The following FN1 variants were observed in gnomAD, a reference collection of about 807,000 sequenced individuals.
FN1 encodes fibronectin.
Under a neutral mutation model 297.3 loss-of-function variants are expected in FN1, and 106 were observed. That is an observed-to-expected ratio of 0.36 (90% CI 0.30 to 0.42). FN1 has a LOEUF of 0.42. Ranked by LOEUF, FN1 falls within the 10% of genes least tolerant of loss-of-function variation. FN1 has a pLI of 1.00. For synonymous variants in FN1, 1,149 were observed against 1,152.6 expected (o/e 1.00, Z 0.06); for missense variants, 2,690 against 3,124.9 (o/e 0.86, Z 3.32).
At chr2:215,407,594 T>G (rs1202811013) in intron 17 of FN1, among the ~76,000 whole-genome samples, 1 of 152,188 alleles carries the variant, frequency 6.6e-6, no homozygotes, top group Non-Finnish European at 1.5e-5. Context: ...AGAGATGCCA[T>G]TAGGTGAAAA....
Position 215,394,633 on chromosome 2 carries a change from A to T in FN1, c.3691T>A (p.Ser1231Thr), listed in dbSNP as rs759163566. 6.2e-7 allele frequency: 1 copy of T among 1,614,008 alleles called. No homozygotes were observed. The highest frequency in any genetic ancestry group is 1.3e-5 in the African/African-American group (1 of 74,924). The change falls in exon 24 of 46, where the codon TCC becomes ACC. Residue 1231 changes from serine (S) to threonine (T), a missense_variant. By Grantham distance (58) the Ser-to-Thr change is moderately conservative (BLOSUM62 1). Transcript: ENST00000354785. ...LEEVVHADQSSCTFDNLSPGL... is the reference protein window; with the variant it reads ...LEEVVHADQSTCTFDNLSPGL... ...GGACTCAGGTTATCAAAAGTGCAGG[A>T]GCTCTGATCAGCATGGACCACTTCT...
chr2:215,372,299 A>T lies in FN1; in HGVS notation c.6324T>A (p.Val2108=). 6.2e-7 allele frequency: 1 copy of T among 1,614,194 alleles called. No individual in the cohort carries two copies. The highest frequency in any genetic ancestry group is 8.5e-7 in the Non-Finnish European group (1 of 1,180,040). Residue 2108 remains valine (V), a synonymous_variant, in exon 40 of 46, where the codon GTT becomes GTA. Coordinates refer to ENST00000354785, the MANE Select transcript of FN1 (RefSeq NM_212482.4). ...GGTGGGTGACGAAAGGGGTCTTTTG[A>T]ACTGTGGAAGGAACATCCAAGATCT... ...GPEILDVPST[V]QKTPFVTHPG...
rs1429257733 is a variant in FN1, at chr2:215,408,349, T to C, written c.2377A>G (p.Ile793Val). 1.2e-6 allele frequency: 2 copies of C among 1,614,128 alleles called. No homozygotes were observed. Among genetic ancestry groups the C allele is most frequent in the Admixed American group, 1.7e-5 (1 of 60,028 alleles). Residue 793 changes from isoleucine (I) to valine (V), a missense_variant, in exon 16 of 46, where the codon ATA becomes GTA. By Grantham distance (29) the Ile-to-Val change is conservative. This residue lies in a region of FN1 where 876 missense variants were observed against 1,058.1 expected (regional missense o/e 0.83). Coordinates refer to ENST00000354785, the MANE Select transcript of FN1 (RefSeq NM_212482.4). ...GRKYIVNVYQ[I>V]SEDGEQSLIL... Reference sequence around the variant, plus strand: ...AAACTCTGCTCCCCATCCTCAGATATCTGATAGACATTTACAATGTATTTT... The same window carrying C: ...AAACTCTGCTCCCCATCCTCAGATACCTGATAGACATTTACAATGTATTTT...
Position 215,393,162 on chromosome 2 carries a change from C to A in FN1, c.3838G>T (p.Asp1280Tyr), listed in dbSNP as rs764149816. The change falls in exon 25 of 46, where the codon GAT (aspartate) becomes TAT (tyrosine). Residue 1280 changes from aspartate to tyrosine, a missense_variant. Around this residue, in one of 3 missense-constraint regions of FN1, gnomAD observed 1,743 missense variants for 1,945.2 expected, o/e 0.90. Coordinates refer to ENST00000354785, the MANE Select transcript of FN1 (RefSeq NM_212482.4). ...GTCCACCTCAGGCCGATGCTTGAAT[C>A]GGTTATATCAACAAAGCTTAGGTCA... ...LTDLSFVDITDSSIGLRWTPL... is the reference protein window; with the variant it reads ...LTDLSFVDITYSSIGLRWTPL... 2 of 1,613,786 alleles carry A rather than the reference C, an allele frequency of 1.2e-6. No homozygotes were observed. Among genetic ancestry groups the A allele is most frequent in the South Asian group, 1.1e-5 (1 of 91,062 alleles).
chr2:215,420,514 G>A (rs1429753166), intron 11 of FN1, among the ~76,000 whole-genome samples, 159 bp downstream of exon 11: 1 of 152,084 alleles, frequency 6.6e-6, no homozygotes, highest in African/African-American at 2.4e-5. Flanking sequence ...GAGATATTTT[G>A]GTCCAGTATT....
Position 215,364,938 on chromosome 2 carries a change from G to C in FN1, c.7192C>G (p.Gln2398Glu). Reference sequence around the variant, plus strand: ...GCACCGAGATATTCCTTCTGCCACTGTTCTCCTACGTGGTATGTCTTCCCA... The same window carrying C: ...GCACCGAGATATTCCTTCTGCCACTCTTCTCCTACGTGGTATGTCTTCCCA... ...DDGKTYHVGEQWQKEYLGAIC... is the reference protein window; with the variant it reads ...DDGKTYHVGEEWQKEYLGAIC... Residue 2398 changes from glutamine (Q) to glutamate (E), a missense_variant, in exon 44 of 46, where the codon CAG (glutamine) becomes GAG (glutamate). This residue lies in a region of FN1 where 1,743 missense variants were observed against 1,945.2 expected (regional missense o/e 0.90). Transcript: ENST00000354785. The C allele has an allele frequency of 2.5e-6, 4 of 1,579,632 alleles. No individual in the cohort carries two copies. In the South Asian group the frequency reaches 4.6e-5, roughly 18 times the overall value.
At chr2:215,397,323 C>A in intron 22 of FN1, 100 bp from the exon 23 acceptor site, 1 of 780,124 alleles carries the variant, frequency 1.3e-6, no homozygotes, top group Non-Finnish European at 2.3e-6. Context: ...ATGCTTCTTC[C>A]CTCCCTCCCT....
intron 12 of FN1, among the ~76,000 whole-genome samples, chr2:215,415,626 A>C (rs2063327708): frequency 6.6e-6 from 1 of 152,168 alleles, no homozygotes. Flanking sequence ...TTAAGTGATT[A>C]AATTTATTTT....
At chr2:215,380,329 C>A in intron 33 of FN1, 1 of 175,876 alleles carries the variant, frequency 5.7e-6, no homozygotes. Context: ...TTGATTATTT[C>A]CTAGGTGTCT....
chr2:215,406,149 C>A, intron 19 of FN1, 89 bp downstream of exon 19: 1 of 1,318,196 alleles, frequency 7.6e-7, no homozygotes, highest in East Asian at 2.3e-5. Context: ...AGCCATACAC[C>A]TCTGAGTGAA....
At chr2:215,430,995 C>T in intron 4 of FN1, 143 bp from the exon 5 acceptor site, 2 of 819,294 alleles carry the variant, frequency 2.4e-6, no homozygotes, top group Non-Finnish European at 4.1e-6. Context: ...AATGACACAC[C>T]CAGCATCTAA....
chr2:215,405,471 C>T (rs1248881833), intron 19 of FN1, among the ~76,000 whole-genome samples: 6 of 152,086 alleles, frequency 3.9e-5, no homozygotes, highest in African/African-American at 7.2e-5. Context: ...CGGCTGGGCA[C>T]GATGGCTCAC....
Position 215,404,560 on chromosome 2 carries a change from G to C in FN1, c.3082C>G (p.Arg1028Gly), listed in dbSNP as rs780372579. Reference protein sequence around the residue: ...TPPRAQITGYRLTVGLTRRGQ... With the variant: ...TPPRAQITGYGLTVGLTRRGQ... The stretch of plus-strand genomic sequence containing the variant: ...CTTCGGGTAAGGCCCACGGTCAGTC[G>C]GTATCCTGTTATCTGGGCCCGAGGT... Residue 1028 changes from arginine (R) to glycine (G), a missense_variant, in exon 20 of 46, where the codon CGA becomes GGA. Arg to Gly is a moderately radical substitution (Grantham distance 125, BLOSUM62 -2). This residue lies in a region of FN1 where 1,743 missense variants were observed against 1,945.2 expected (regional missense o/e 0.90). Coordinates refer to ENST00000354785, the MANE Select transcript of FN1 (RefSeq NM_212482.4). The C allele has an allele frequency of 1.9e-6, 3 of 1,613,988 alleles. No homozygotes were observed. The East Asian group carries it at 6.7e-5, about 36-fold the overall frequency.
At chr2:215,372,594 A>G (rs982295590) in intron 39 of FN1, 2 of 591,914 alleles carry the variant, frequency 3.4e-6, no homozygotes, top group Non-Finnish European at 6.0e-6. Context: ...AAAAAGTGTT[A>G]GTATGAATTT....
At chr2:215,382,858 G>C (rs1393794406) in intron 31 of FN1, among the ~76,000 whole-genome samples, 1 of 152,066 alleles carries the variant, frequency 6.6e-6, no homozygotes, top group Non-Finnish European at 1.5e-5. Flanking sequence ...TAATGATCTT[G>C]AGCCCTGAAC....
intron 40 of FN1, 108 bp from the exon 41 acceptor site, chr2:215,370,540 C>CAAAAAAAAA (rs377315833): frequency 1.2e-4 from 36 of 304,978 alleles, no homozygotes; most frequent in African/African-American, 1.2e-3. Context: ...CAAAGGAAGA[C>CAAAAAAAAA]AAAAAACAAA....
At chr2:215,433,903 A>G (rs970892621) in intron 2 of FN1, among the ~76,000 whole-genome samples, 2 of 152,176 alleles carry the variant, frequency 1.3e-5, no homozygotes, top group Non-Finnish European at 2.9e-5. Context: ...GGAATTCGAG[A>G]CCACCCTGAC....
intron 32 of FN1, chr2:215,381,499 A>G (rs2058207655): frequency 9.9e-6 from 3 of 302,298 alleles, no homozygotes; most frequent in South Asian, 9.1e-5. Context: ...TTTGAGATGG[A>G]GTCTCACTCT....
At chr2:215,390,508 A>G (rs1380693576) in intron 26 of FN1, among the ~76,000 whole-genome samples, 1 of 152,194 alleles carries the variant, frequency 6.6e-6, no homozygotes, top group Non-Finnish European at 1.5e-5. Flanking sequence ...AAAAGAGGAT[A>G]ATAATGACTT....
Sources: gnomAD v4.1 joint callset for allele counts (sites outside exome capture counted in the v4.1 genomes callset) on GRCh38, gnomAD v4.1.1 for gene constraint, gnomAD v4.1.1 regional missense constraint, MANE v1.5 for transcripts, NCBI Gene and HGNC (gene_info 2026-07-23, HGNC 2026-07-21) for gene names.